Variants in PPP2R3A observed in about 807,000 individuals in gnomAD.
The protein encoded by PPP2R3A is serine/threonine-protein phosphatase 2A regulatory subunit B'' subunit alpha.
Under a neutral mutation model 106.9 loss-of-function variants are expected in PPP2R3A, and 80 were observed. The ratio of observed to expected loss-of-function variants is 0.75; its 90% CI spans 0.62 to 0.90. The LOEUF is 0.90. PPP2R3A is among the 40% of genes least tolerant of loss of function. The pLI is 0.00. For missense variants in PPP2R3A, 1,386 were observed against 1,350.4 expected, an observed-to-expected ratio of 1.03 and a Z score of -0.41; for synonymous variants, 483 against 468.3, an observed-to-expected ratio of 1.03 and a Z score of -0.41.
chr3:135,998,769 A>T (rs1933503398), intron 1 of PPP2R3A, among the ~76,000 whole-genome samples: 2 of 152,238 alleles, frequency 1.3e-5, no homozygotes, highest in South Asian at 4.1e-4. Context: ...ATATGATAGA[A>T]TGTTATTCAT....
rs1403565625 is a variant in PPP2R3A, at chr3:136,124,271, C to T, written c.3329+17949C>T. On this transcript the variant is annotated intron_variant, in intron 13 of 13. Transcript: ENST00000264977. ...CTGGGAGGACAAGTTGGGAAGATTG[C>T]GTGGGGCCAGGAGTTCAAGATCAGA... Among the ~76,000 whole-genome samples the T allele has an allele frequency of 2.6e-5, 4 of 152,072 alleles. No homozygotes were observed. In the South Asian group the frequency reaches 6.2e-4, roughly 24 times the overall value.
At position 136,026,956 on chromosome 3, in the gene PPP2R3A, T is replaced by C. The variant is rs1426576789; in HGVS notation, c.2120T>C (p.Ile707Thr). 1 of 1,613,690 alleles carries C rather than the reference T, an allele frequency of 6.2e-7. No individual in the cohort carries two copies. Among genetic ancestry groups the C allele is most frequent in the Admixed American group, 1.7e-5 (1 of 59,996 alleles). Residue 707 changes from isoleucine (I) to threonine (T), a missense_variant, in exon 3 of 14, where the codon ATA becomes ACA. Ile to Thr is a moderately conservative substitution (Grantham distance 89). Transcript: ENST00000264977. ...AATGTTGTGAATGCGCCATTGTCCA[T>C]AAACATTCCACGGTTCTACTTTCCT... ...VNNVVNAPLS[I>T]NIPRFYFPEG... is the part of the protein sequence containing the mutation.
At chr3:135,987,505 G>A (rs1932970147) in intron 1 of PPP2R3A, among the ~76,000 whole-genome samples, 1 of 152,096 alleles carries the variant, frequency 6.6e-6, no homozygotes, top group Non-Finnish European at 1.5e-5. Context: ...GTAACCCATT[G>A]CTCTGGAGGG....
intron 13 of PPP2R3A, among the ~76,000 whole-genome samples, chr3:136,140,068 T>G (rs1438501448): frequency 6.6e-6 from 1 of 151,962 alleles, no homozygotes; most frequent in Admixed American, 6.6e-5. Context: ...GTAAATTGTT[T>G]GTGAACCCTG....
chr3:136,009,346 G>C (rs1576430758), intron 2 of PPP2R3A, among the ~76,000 whole-genome samples: 1 of 152,160 alleles, frequency 6.6e-6, no homozygotes, highest in Admixed American at 6.5e-5. Flanking sequence ...ATTAGACTCT[G>C]CTATCCACTA....
intron 5 of PPP2R3A, among the ~76,000 whole-genome samples, chr3:136,054,078 G>A (rs2107871529): frequency 6.6e-6 from 1 of 152,094 alleles, no homozygotes; most frequent in South Asian, 2.1e-4. Flanking sequence ...TTATTTTCTG[G>A]ATTATAAAGT....
rs747726412 is a variant in PPP2R3A at position 136,145,053 on chromosome 3, T to G, written c.3340T>G (p.Tyr1114Asp). 4 of 1,612,144 alleles carry G rather than the reference T, an allele frequency of 2.5e-6. No individual in the cohort carries two copies. The East Asian group carries it at 8.9e-5, about 36-fold the overall frequency. The change falls in exon 14 of 14, where the codon TAT (tyrosine) becomes GAT (aspartate). Residue 1114 changes from tyrosine to aspartate, a missense_variant. Coordinates refer to ENST00000264977, the MANE Select transcript of PPP2R3A (RefSeq NM_002718.5). ...QAQFQEGFEDYETDEPASPSE... is the reference protein window; with the variant it reads ...QAQFQEGFEDDETDEPASPSE... Reference sequence around the variant, plus strand: ...GCTTTGTTATTTCAGCTTTGAAGATTATGAAACAGATGAACCTGCCTCTCC... The same window carrying G: ...GCTTTGTTATTTCAGCTTTGAAGATGATGAAACAGATGAACCTGCCTCTCC...
At position 136,082,666 on chromosome 3, in the gene PPP2R3A, G is replaced by A. The variant is rs941201791; in HGVS notation, c.2788+245G>A. ...ATCACAGTCTTAGTTTTGATAAAGC[G>A]ATGAGTCTTTATACTGGTGTGTATT... On this transcript the variant is annotated intron_variant, in intron 8 of 13. Coordinates refer to ENST00000264977, the MANE Select transcript of PPP2R3A (RefSeq NM_002718.5). 5.3e-5 allele frequency among the ~76,000 whole-genome samples: 8 copies of A among 152,192 alleles called. No individual in the cohort carries two copies. In the East Asian group the frequency reaches 5.8e-4, roughly 11 times the overall value.
At chr3:136,114,252 A>C (rs941788440) in intron 13 of PPP2R3A, among the ~76,000 whole-genome samples, 3 of 152,196 alleles carry the variant, frequency 2.0e-5, no homozygotes, top group Admixed American at 6.5e-5. Context: ...TGCTTTTCCC[A>C]CAGTCTTCAC....
intron 10 of PPP2R3A, among the ~76,000 whole-genome samples, chr3:136,095,301 A>G (rs193142462): frequency 1.3e-5 from 2 of 152,290 alleles, no homozygotes; most frequent in East Asian, 3.9e-4. Flanking sequence ...TTTTGAGTCA[A>G]AAGCTTTCTT....
At chr3:136,142,828 TATTTAACAC>T (rs1938932011) in intron 13 of PPP2R3A, among the ~76,000 whole-genome samples, 1 of 152,224 alleles carries the variant, frequency 6.6e-6, no homozygotes, top group Non-Finnish European at 1.5e-5. Context: ...TACACTGAGG[TATTTAACAC>T]TGATAGCTTA....
chr3:136,060,885 ATT>A (rs1293330194), intron 5 of PPP2R3A, among the ~76,000 whole-genome samples: 3 of 152,196 alleles, frequency 2.0e-5, no homozygotes, highest in Non-Finnish European at 2.9e-5. Flanking sequence ...AAGACAGTAG[ATT>A]TTGTGTTTTC....
intron 5 of PPP2R3A, among the ~76,000 whole-genome samples, chr3:136,065,821 G>A (rs1400127627): frequency 6.6e-6 from 1 of 152,102 alleles, no homozygotes; most frequent in Non-Finnish European, 1.5e-5. Context: ...GACAACAGAT[G>A]TGCACCACCA....
intron 11 of PPP2R3A, 56 bp from the exon 12 acceptor site, chr3:136,103,202 C>A: frequency 8.3e-7 from 1 of 1,201,250 alleles, no homozygotes; most frequent in South Asian, 1.5e-5. Context: ...AAAGTTTTTT[C>A]CTCTTGCCAA....
At chr3:136,100,067 A>G (rs1282047991) in intron 10 of PPP2R3A, among the ~76,000 whole-genome samples, 1 of 152,182 alleles carries the variant, frequency 6.6e-6, no homozygotes, top group Non-Finnish European at 1.5e-5. Flanking sequence ...GGCCATCATG[A>G]TATTTCAAAC....
Position 136,001,472 on chromosome 3 carries a change from G to A in PPP2R3A, c.-27G>A. 1 of 1,582,384 alleles carries A rather than the reference G, an allele frequency of 6.3e-7. No individual in the cohort carries two copies. ...TGAAACAAGTTCTAGAAAGTTCCAAGTCCCACCAGTAAGTGGATTTGATAT... is the reference window on the plus strand; with the variant it reads ...TGAAACAAGTTCTAGAAAGTTCCAAATCCCACCAGTAAGTGGATTTGATAT... On this transcript the variant is annotated 5_prime_UTR_variant, in exon 2 of 14. Coordinates refer to ENST00000264977, the MANE Select transcript of PPP2R3A (RefSeq NM_002718.5).
intron 2 of PPP2R3A, among the ~76,000 whole-genome samples, chr3:136,007,642 G>A (rs1933895828): frequency 6.6e-6 from 1 of 152,184 alleles, no homozygotes; most frequent in South Asian, 2.1e-4. Flanking sequence ...CCATTTTGAG[G>A]AGAGGGTGCT....
At chr3:136,125,152 CTG>C (rs1387630541) in intron 13 of PPP2R3A, among the ~76,000 whole-genome samples, 1 of 152,092 alleles carries the variant, frequency 6.6e-6, no homozygotes, top group Non-Finnish European at 1.5e-5. Flanking sequence ...GAAACCTTGT[CTG>C]TACTAAAAAT....
intron 1 of PPP2R3A, 42 bp downstream of exon 1, chr3:135,965,891 CTCCCTCG>C (rs1183891461): frequency 6.6e-6 from 1 of 151,070 alleles, no homozygotes; most frequent in Non-Finnish European, 1.5e-5. Flanking sequence ...GAGCCTTCAG[CTCCCTCG>C]TCCCGGCCCG....
Sources: gnomAD v4.1 joint callset for allele counts (sites outside exome capture counted in the v4.1 genomes callset) on GRCh38, gnomAD v4.1.1 for gene constraint, MANE v1.5 for transcripts, NCBI Gene and HGNC (gene_info 2026-07-23, HGNC 2026-07-21) for gene names.